Variants in PIAS1 observed in about 807,000 individuals in gnomAD.
PIAS1 encodes the protein protein inhibitor of activated STAT 1.
Under a neutral mutation model 71.3 loss-of-function variants are expected in PIAS1, and 6 were observed. The ratio of observed to expected loss-of-function variants is 0.08; its 90% CI spans 0.05 to 0.17. The LOEUF is 0.17. PIAS1 is among the 10% of genes least tolerant of loss of function. The pLI is 1.00. For synonymous variants in PIAS1, 303 were observed against 292.9 expected (o/e 1.03, Z -0.35); for missense variants, 555 against 793.6 (o/e 0.70, Z 3.61).
chr15:68,193,235 T>C lies in PIAS1; in HGVS notation c.*5400T>C, dbSNP rs547702273. 6.6e-6 allele frequency: 1 copy of C among 152,374 alleles called. No homozygotes were observed. Among genetic ancestry groups the C allele is most frequent in the South Asian group, 2.1e-4 (1 of 4,826 alleles). The allele number at this position is 152,374 out of a possible 1,614,324, so 9.4% of individuals were successfully genotyped here. ...TCTCACAGCATTGGAAGCCCCCTTC[T>C]TGAGCTCTGCAAGGCCAGTCAATTT... On this transcript the variant is annotated 3_prime_UTR_variant, in exon 14 of 14. Coordinates refer to ENST00000249636, the MANE Select transcript of PIAS1 (RefSeq NM_016166.3).
chr15:68,083,861 A>G (rs942430616), intron 1 of PIAS1, among the ~76,000 whole-genome samples: 6 of 152,016 alleles, frequency 3.9e-5, no homozygotes, highest in Non-Finnish European at 5.9e-5. Flanking sequence ...GCAAGACCCT[A>G]TCTCTTAAAT....
At chr15:68,065,954 T>G in intron 1 of PIAS1, among the ~76,000 whole-genome samples, 1 of 116,494 alleles carries the variant, frequency 8.6e-6, no homozygotes, top group Non-Finnish European at 1.7e-5. Context: ...GGAGATAGGG[T>G]CTTGCTGTGT....
intron 2 of PIAS1, among the ~76,000 whole-genome samples, chr15:68,098,679 G>A (rs2092398216): frequency 6.6e-6 from 1 of 152,050 alleles, no homozygotes; most frequent in Non-Finnish European, 1.5e-5. Context: ...TATTTTTACT[G>A]GGGTAGCTGC....
chr15:68,103,721 G>A (rs1283281736), intron 2 of PIAS1, among the ~76,000 whole-genome samples: 1 of 152,078 alleles, frequency 6.6e-6, no homozygotes, highest in Non-Finnish European at 1.5e-5. Flanking sequence ...ATGACCTTCC[G>A]TGACTGGCTG....
chr15:68,129,231 AT>A (rs1425090815), intron 2 of PIAS1, among the ~76,000 whole-genome samples: 1 of 151,974 alleles, frequency 6.6e-6, no homozygotes, highest in African/African-American at 2.4e-5. Context: ...CCTGGCTGAT[AT>A]TTTAAAGTTA....
chr15:68,181,638 G>C lies in PIAS1; in HGVS notation c.1624+284G>C, dbSNP rs184495124. 139 of 258,266 alleles carry C rather than the reference G, an allele frequency of 5.4e-4. No homozygotes were observed. The East Asian group carries it at 8.7e-3, about 16-fold the overall frequency. 16.0% of individuals were successfully genotyped at this position (258,266 alleles called of 1,614,324 possible). A position where few individuals can be genotyped will look rare whatever the true frequency, so the allele number is the denominator to read the frequency against. On this transcript the variant is annotated intron_variant, in intron 12 of 13. Coordinates refer to ENST00000249636, the MANE Select transcript of PIAS1 (RefSeq NM_016166.3). ...CTCTGCAAATTGTTTTTGAATGACT[G>C]CTAGTATGTGGGTTTGAATTTTGGT...
intron 2 of PIAS1, among the ~76,000 whole-genome samples, chr15:68,120,586 A>G (rs1050345057): frequency 1.3e-5 from 2 of 152,118 alleles, no homozygotes; most frequent in South Asian, 4.1e-4. Flanking sequence ...ACTTTACAAC[A>G]GTTCATTTTT....
Position 68,054,318 on chromosome 15 carries a change from A to G in PIAS1, c.-9A>G. 6.4e-7 allele frequency: 1 copy of G among 1,568,224 alleles called. No homozygotes were observed. Among genetic ancestry groups the G allele is most frequent in the Non-Finnish European group, 8.6e-7 (1 of 1,157,408 alleles). ...CGAAGTTCACTGCGCTTGCGCTGAC[A>G]GACGCAAGATGGCGGACAGTGCGGA... is the stretch of plus-strand genomic sequence containing the variant. On this transcript the variant is annotated 5_prime_UTR_variant, in exon 1 of 14. Transcript: ENST00000249636. The surrounding 1 kb of genome is among the most constrained non-coding windows in gnomAD (Gnocchi z 4.6).
intron 2 of PIAS1, among the ~76,000 whole-genome samples, chr15:68,103,746 G>T (rs1465021301): frequency 6.6e-6 from 1 of 152,122 alleles, no homozygotes; most frequent in Non-Finnish European, 1.5e-5. Flanking sequence ...CATTTAGAAT[G>T]ATGTTTTCAA....
At chr15:68,136,032 C>T in intron 2 of PIAS1, among the ~76,000 whole-genome samples, 1 of 52,562 alleles carries the variant, frequency 1.9e-5, no homozygotes, top group African/African-American at 4.1e-5. Flanking sequence ...CTCCTCACTT[C>T]CTAGATGGGA....
intron 7 of PIAS1, among the ~76,000 whole-genome samples, chr15:68,158,500 A>G (rs1486111427): frequency 1.3e-5 from 2 of 152,184 alleles, no homozygotes; most frequent in African/African-American, 4.8e-5. Flanking sequence ...AGAGTGCATT[A>G]GAGATGATCT....
intron 2 of PIAS1, among the ~76,000 whole-genome samples, chr15:68,091,679 T>A (rs1292369519): frequency 6.6e-6 from 1 of 152,178 alleles, no homozygotes; most frequent in East Asian, 1.9e-4. Context: ...ATATCCAAAG[T>A]CAGAAATGCA....
chr15:68,148,536 C>T (rs1665354167), intron 6 of PIAS1, among the ~76,000 whole-genome samples: 1 of 152,106 alleles, frequency 6.6e-6, no homozygotes. Context: ...TCAAGCGATT[C>T]TCCTGCCACA....
At chr15:68,121,003 T>C (rs2092608770) in intron 2 of PIAS1, among the ~76,000 whole-genome samples, 1 of 152,194 alleles carries the variant, frequency 6.6e-6, no homozygotes, top group Non-Finnish European at 1.5e-5. Flanking sequence ...CAGTTCTCTT[T>C]TGTGGATACT....
At chr15:68,092,688 AAG>A (rs1270910788) in intron 2 of PIAS1, among the ~76,000 whole-genome samples, 2 of 152,152 alleles carry the variant, frequency 1.3e-5, no homozygotes, top group African/African-American at 4.8e-5. Context: ...CCTCTTATAA[AAG>A]AGGCTCCAAG....
At position 68,185,287 on chromosome 15, in the gene PIAS1, G is replaced by C. The variant is rs1334713245; in HGVS notation, c.1662+1620G>C. Reference sequence around the variant, plus strand: ...TGGAAGGTTTACAACAGCTATGACTGCATCAAGAACCTTGCTTGGGCATGG... The same window carrying C: ...TGGAAGGTTTACAACAGCTATGACTCCATCAAGAACCTTGCTTGGGCATGG... On this transcript the variant is annotated intron_variant, in intron 13 of 13. Coordinates refer to ENST00000249636, the MANE Select transcript of PIAS1 (RefSeq NM_016166.3). This position sits in a 1 kb window ranked among gnomAD's most constrained non-coding sequence, Gnocchi z 4.4. Among the ~76,000 whole-genome samples, 1 of 152,104 alleles carries C rather than the reference G, an allele frequency of 6.6e-6. No individual in the cohort carries two copies. The highest frequency in any genetic ancestry group is 2.4e-5 in the African/African-American group (1 of 41,418).
At chr15:68,073,964 G>C (rs1185081559) in intron 1 of PIAS1, among the ~76,000 whole-genome samples, 3 of 152,164 alleles carry the variant, frequency 2.0e-5, no homozygotes, top group South Asian at 2.1e-4. Context: ...ACAGGACTTG[G>C]TAAATAGATT....
Position 68,193,204 on chromosome 15 carries a change from C to T in PIAS1, c.*5369C>T, listed in dbSNP as rs532345275. On this transcript the variant is annotated 3_prime_UTR_variant, in exon 14 of 14. Transcript: ENST00000249636. ...TGTTAACAGAGCCCAGGGAACAGCT[C>T]GGAATTCTCACAGCATTGGAAGCCC... 2.4e-4 allele frequency: 36 copies of T among 152,384 alleles called. No individual in the cohort carries two copies. Among genetic ancestry groups the T allele is most frequent in the South Asian group, 1.0e-3 (5 of 4,832 alleles). The allele number at this position is 152,384 out of a possible 1,614,324, so 9.4% of individuals were successfully genotyped here. A position where few individuals can be genotyped will look rare whatever the true frequency, so the allele number is the denominator to read the frequency against.
chr15:68,147,914 G>T (rs1368714865), intron 6 of PIAS1, among the ~76,000 whole-genome samples: 1 of 151,760 alleles, frequency 6.6e-6, no homozygotes, highest in East Asian at 1.9e-4. Context: ...TCTTTTTTGG[G>T]ACAATTTTCA....
Sources: allele counts gnomAD v4.1 joint callset (sites outside exome capture counted in the v4.1 genomes callset), GRCh38; gene constraint gnomAD v4.1.1; non-coding constraint Gnocchi (gnomAD v3.1); transcripts MANE v1.5; gene names NCBI Gene and HGNC (gene_info 2026-07-23, HGNC 2026-07-21).